CHST8: variants seen among roughly 807,000 people sequenced by gnomAD.
CHST8 encodes GALNAC-4-ST1.
In CHST8, 10 loss-of-function variants were observed where a neutral mutation model predicts 15.0. That is an observed-to-expected ratio of 0.67 (90% CI 0.41 to 1.13). The LOEUF (loss-of-function observed/expected upper bound fraction) is 1.13, where lower values mean the gene tolerates loss of function less well. Among genes scored for constraint, CHST8 ranks in the 50% most tolerant of loss-of-function variants. The probability of loss-of-function intolerance (pLI) is 0.00; values close to 1 mark genes in which losing one functional copy is unlikely to be tolerated. For missense variants in CHST8, 634 were observed against 608.2 expected, an observed-to-expected ratio of 1.04 and a Z score of -0.45; for synonymous variants, 259 against 256.6, an observed-to-expected ratio of 1.01 and a Z score of -0.09.
intron 1 of CHST8, among the ~76,000 whole-genome samples, chr19:33,646,860 A>G (rs1417246278): frequency 1.3e-5 from 2 of 152,192 alleles, no homozygotes; most frequent in Non-Finnish European, 2.9e-5. Context: ...GGTTGCATTG[A>G]GCCAAGATCG....
chr19:33,731,403 C>G (rs999543170), intron 3 of CHST8, among the ~76,000 whole-genome samples: 3 of 152,198 alleles, frequency 2.0e-5, no homozygotes, highest in African/African-American at 7.2e-5. Context: ...GCCATGGCAT[C>G]TGTAAACTGT....
intron 3 of CHST8, among the ~76,000 whole-genome samples, chr19:33,729,006 T>C (rs1973950472): frequency 6.6e-6 from 1 of 152,162 alleles, no homozygotes; most frequent in Non-Finnish European, 1.5e-5. Flanking sequence ...ATCTAGGGCA[T>C]GTTGAGAAAG....
intron 1 of CHST8, among the ~76,000 whole-genome samples, chr19:33,632,659 C>G (rs1459694835): frequency 6.6e-6 from 1 of 152,056 alleles, no homozygotes; most frequent in African/African-American, 2.4e-5. Flanking sequence ...GACCAGGACC[C>G]CAGAACCCCC....
chr19:33,633,865 C>G (rs963274871), intron 1 of CHST8, among the ~76,000 whole-genome samples: 4 of 151,070 alleles, frequency 2.6e-5, no homozygotes, highest in Non-Finnish European at 5.9e-5. Context: ...GTGACGTGAT[C>G]ATGGCTCACG....
chr19:33,656,864 C>A (rs994898803), intron 1 of CHST8, among the ~76,000 whole-genome samples: 3 of 152,062 alleles, frequency 2.0e-5, no homozygotes, highest in African/African-American at 7.2e-5. Context: ...TGTGAAACAA[C>A]GTTTATCTAT....
chr19:33,660,672 C>T (rs1305887308), intron 1 of CHST8, among the ~76,000 whole-genome samples: 2 of 152,166 alleles, frequency 1.3e-5, no homozygotes, highest in East Asian at 3.9e-4. Flanking sequence ...AGTTTACTGC[C>T]CCTTTCCTGC....
intron 3 of CHST8, among the ~76,000 whole-genome samples, chr19:33,706,547 C>A (rs1350488431): frequency 6.6e-6 from 1 of 152,298 alleles, no homozygotes; most frequent in South Asian, 2.1e-4. Flanking sequence ...CAGGCAGGGG[C>A]AAATGACTTG....
rs551408908 is a variant in CHST8, at chr19:33,759,641, C to T, written c.131-11772C>T. On this transcript the variant is annotated intron_variant, in intron 3 of 4. Coordinates refer to ENST00000650847, the MANE Select transcript of CHST8 (RefSeq NM_001127895.2). The stretch of plus-strand genomic sequence containing the variant: ...GCCACCCCTGATCCCCTAATTCCCT[C>T]TCCTCCAACTGCCCTCTGGATGTCT... 2.6e-3 allele frequency among the ~76,000 whole-genome samples: 389 copies of T among 152,348 alleles called. 1 individual carries two copies. The highest frequency in any genetic ancestry group is 7.1e-3 in the Admixed American group (109 of 15,304).
At chr19:33,640,985 T>C (rs1196448207) in intron 1 of CHST8, among the ~76,000 whole-genome samples, 1 of 152,158 alleles carries the variant, frequency 6.6e-6, no homozygotes, top group African/African-American at 2.4e-5. Flanking sequence ...CAGGGACTGC[T>C]ACTGCTGTGG....
intron 3 of CHST8, among the ~76,000 whole-genome samples, chr19:33,696,188 G>C (rs1973214884): frequency 6.6e-6 from 1 of 152,142 alleles, no homozygotes; most frequent in Non-Finnish European, 1.5e-5. Context: ...TATCTTTGCA[G>C]TTGTGAATTG....
At chr19:33,739,360 T>C (rs1974144066) in intron 3 of CHST8, among the ~76,000 whole-genome samples, 1 of 152,148 alleles carries the variant, frequency 6.6e-6, no homozygotes, top group Non-Finnish European at 1.5e-5. Flanking sequence ...GTGGAAGCCA[T>C]AAGCCATCCC....
chr19:33,751,130 A>G (rs1156749041), intron 3 of CHST8, among the ~76,000 whole-genome samples: 2 of 152,228 alleles, frequency 1.3e-5, no homozygotes. Flanking sequence ...AACGTGGCCA[A>G]AAAGCCTTCC....
intron 1 of CHST8, among the ~76,000 whole-genome samples, chr19:33,626,365 G>A (rs1972053582): frequency 6.6e-6 from 1 of 151,814 alleles, no homozygotes; most frequent in Non-Finnish European, 1.5e-5. Context: ...CCGTGCAGGT[G>A]GGTTGACACC....
intron 3 of CHST8, among the ~76,000 whole-genome samples, chr19:33,745,996 A>G (rs1208614399): frequency 6.6e-6 from 1 of 152,210 alleles, no homozygotes; most frequent in African/African-American, 2.4e-5. Flanking sequence ...GGGCGGAGAC[A>G]GTTTTTCCAA....
rs186164325 is a variant in CHST8 at position 33,689,163 on chromosome 19, C to A, written c.-86-13C>A. The stretch of plus-strand genomic sequence containing the variant: ...CGCGCCTCGGTGATGACTATCCCTC[C>A]TCTGCCCCGTAGATCTCGGCCTGAT... On this transcript the variant is annotated splice_polypyrimidine_tract_variant and intron_variant, in intron 2 of 4. Transcript: ENST00000650847. 1.4e-5 allele frequency: 20 copies of A among 1,407,700 alleles called. No individual in the cohort carries two copies. The highest frequency in any genetic ancestry group is 2.2e-4 in the Middle Eastern group (1 of 4,558). 87.2% of individuals were successfully genotyped at this position (1,407,700 alleles called of 1,614,324 possible).
At chr19:33,678,204 G>T (rs1972835372) in intron 2 of CHST8, among the ~76,000 whole-genome samples, 1 of 152,196 alleles carries the variant, frequency 6.6e-6, no homozygotes, top group Non-Finnish European at 1.5e-5. Flanking sequence ...GACGTTAGCT[G>T]GAAGGAGATC....
At chr19:33,633,583 T>TG (rs35619221) in intron 1 of CHST8, among the ~76,000 whole-genome samples, 71,195 of 150,964 alleles carry the variant, frequency 0.47, 17,893 homozygotes, top group Middle Eastern at 0.59. Flanking sequence ...TTTGTAGAGA[T>TG]GGGGGGGTCT....
At chr19:33,736,116 T>C (rs1032141881) in intron 3 of CHST8, among the ~76,000 whole-genome samples, 1 of 152,272 alleles carries the variant, frequency 6.6e-6, no homozygotes, top group African/African-American at 2.4e-5. Flanking sequence ...CTCACTATGG[T>C]GTCATAGACC....
At chr19:33,642,565 G>T (rs1972298209) in intron 1 of CHST8, among the ~76,000 whole-genome samples, 1 of 152,084 alleles carries the variant, frequency 6.6e-6, no homozygotes, top group Non-Finnish European at 1.5e-5. Flanking sequence ...GTTTCACCAT[G>T]TTGGCCAGGC....
Sources: gnomAD v4.1 joint callset for allele counts (sites outside exome capture counted in the v4.1 genomes callset) on GRCh38, gnomAD v4.1.1 for gene constraint, MANE v1.5 for transcripts, NCBI Gene and HGNC (gene_info 2026-07-23, HGNC 2026-07-21) for gene names.